The following PEX14 variants were observed in gnomAD, a reference collection of about 807,000 sequenced individuals.
The protein encoded by PEX14 is peroxisomal membrane protein PEX14.
Under a neutral mutation model 49.5 loss-of-function variants are expected in PEX14, and 15 were observed. That is an observed-to-expected ratio of 0.30 (90% CI 0.20 to 0.47). PEX14 has a LOEUF of 0.47. PEX14 is among the 20% of genes least tolerant of loss of function. The probability of loss-of-function intolerance (pLI) is 1.00; values close to 1 mark genes in which losing one functional copy is unlikely to be tolerated. For missense variants in PEX14, 398 were observed against 494.8 expected, an observed-to-expected ratio of 0.80 and a Z score of 1.86; for synonymous variants, 210 against 212.7, an observed-to-expected ratio of 0.99 and a Z score of 0.11.
intron 8 of PEX14, among the ~76,000 whole-genome samples, 156 bp downstream of exon 8, chr1:10,627,519 C>T (rs978359065): frequency 3.3e-5 from 5 of 152,122 alleles, no homozygotes; most frequent in Non-Finnish European, 7.4e-5. Flanking sequence ...TTGAGCTTCT[C>T]TCTTCATTCC....
intron 2 of PEX14, among the ~76,000 whole-genome samples, chr1:10,497,619 A>G (rs1040201346): frequency 2.6e-5 from 4 of 152,228 alleles, no homozygotes; most frequent in Admixed American, 2.0e-4. Flanking sequence ...ATTGTGTATC[A>G]TTTGGTGCAG....
intron 3 of PEX14, among the ~76,000 whole-genome samples, chr1:10,540,783 C>T (rs1638979787): frequency 1.3e-5 from 2 of 152,174 alleles, no homozygotes; most frequent in South Asian, 4.1e-4. Context: ...CAGCTCCCAC[C>T]CCTTGCTTGC....
At chr1:10,475,377 CTCCGG>C (rs1641177542) in intron 1 of PEX14, among the ~76,000 whole-genome samples, 1 of 152,196 alleles carries the variant, frequency 6.6e-6, no homozygotes, top group South Asian at 2.1e-4. Flanking sequence ...CGGCTGTCCC[CTCCGG>C]GGAGGGGCCT....
chr1:10,599,161 T>TG, intron 3 of PEX14, 77 bp from the exon 4 acceptor site: 1 of 1,471,280 alleles, frequency 6.8e-7, no homozygotes, highest in African/African-American at 1.4e-5. Context: ...TAAAGGTCTT[T>TG]GCTCAGTGAA....
At chr1:10,513,380 T>G (rs1641917019) in intron 2 of PEX14, among the ~76,000 whole-genome samples, 1 of 152,136 alleles carries the variant, frequency 6.6e-6, no homozygotes, top group African/African-American at 2.4e-5. Flanking sequence ...GGGGTTTGAG[T>G]CAACATGGTC....
intron 1 of PEX14, among the ~76,000 whole-genome samples, chr1:10,484,825 C>T (rs1281123486): frequency 5.3e-5 from 8 of 151,674 alleles, no homozygotes; most frequent in Non-Finnish European, 1.2e-4. Context: ...TGTCAGCCAG[C>T]GGCCGCCCTC....
At chr1:10,477,048 CAG>C (rs1383959392) in intron 1 of PEX14, among the ~76,000 whole-genome samples, 2 of 151,748 alleles carry the variant, frequency 1.3e-5, no homozygotes, top group Non-Finnish European at 2.9e-5. Context: ...AACATGCTGG[CAG>C]CCTGGGGGAA....
At chr1:10,541,731 T>C (rs1279375403) in intron 3 of PEX14, among the ~76,000 whole-genome samples, 3 of 152,204 alleles carry the variant, frequency 2.0e-5, no homozygotes, top group Non-Finnish European at 1.5e-5. Flanking sequence ...CCCCCTGTTA[T>C]CCAAACTTGC....
rs1296324083 is a variant in PEX14, at chr1:10,512,412, T to C, written c.84+17091T>C. The stretch of plus-strand genomic sequence containing the variant: ...ACCTGGCCAGGGAAACAGAGACTTC[T>C]GTGGATTCATCCAAAGGATGGCAGA... On this transcript the variant is annotated intron_variant, in intron 2 of 8. Coordinates refer to ENST00000356607, the MANE Select transcript of PEX14 (RefSeq NM_004565.3). The surrounding 1 kb of genome is among the most constrained non-coding windows in gnomAD (Gnocchi z 4.6). 6.6e-6 allele frequency among the ~76,000 whole-genome samples: 1 copy of C among 152,200 alleles called. No homozygotes were observed.
In PEX14 at chr1:10,588,593, G is replaced by A. The variant is rs58688469; in HGVS notation, c.170-10645G>A. 2.9e-3 allele frequency among the ~76,000 whole-genome samples: 449 copies of A among 152,272 alleles called. 3 individuals carry two copies. The highest frequency in any genetic ancestry group is 8.7e-3 in the African/African-American group (361 of 41,550). Reference sequence around the variant, plus strand: ...TCTGAGTAGCTTGATGAAACCTCCTGCTGTCCTACCTGAGATGTGGATCAT... The same window carrying A: ...TCTGAGTAGCTTGATGAAACCTCCTACTGTCCTACCTGAGATGTGGATCAT... On this transcript the variant is annotated intron_variant, in intron 3 of 8. Coordinates refer to ENST00000356607, the MANE Select transcript of PEX14 (RefSeq NM_004565.3).
At chr1:10,534,403 G>A (rs1387895512) in intron 2 of PEX14, among the ~76,000 whole-genome samples, 1 of 151,836 alleles carries the variant, frequency 6.6e-6, no homozygotes, top group Non-Finnish European at 1.5e-5. Flanking sequence ...CCTCTCTCCT[G>A]TTATAGCTCC....
chr1:10,618,279 C>T lies in PEX14; in HGVS notation c.299-53C>T, dbSNP rs146370382. ...TGAGGCACCTGTGCCAGCCCCCACC[C>T]GAAGAAGGACGCCATGTGCGTCTTC... On this transcript the variant is annotated intron_variant, in intron 4 of 8. Transcript: ENST00000356607. The T allele has an allele frequency of 2.0e-3, 2,918 of 1,461,254 alleles. 6 individuals carry two copies. Among genetic ancestry groups the T allele is most frequent in the Middle Eastern group, 3.3e-3 (19 of 5,770 alleles). 90.5% of individuals were successfully genotyped at this position (1,461,254 alleles called of 1,614,324 possible).
intron 3 of PEX14, among the ~76,000 whole-genome samples, chr1:10,591,032 T>G (rs1640647766): frequency 6.6e-6 from 1 of 152,248 alleles, no homozygotes; most frequent in African/African-American, 2.4e-5. Flanking sequence ...AATCTCCACC[T>G]TGATTTGTGT....
At chr1:10,486,457 A>G (rs1429377589) in intron 1 of PEX14, among the ~76,000 whole-genome samples, 1 of 150,168 alleles carries the variant, frequency 6.7e-6, no homozygotes, top group African/African-American at 2.5e-5. Flanking sequence ...AAGCAGGAGG[A>G]CTGCTTGAGG....
At chr1:10,535,568 G>C (rs1054038949) in intron 2 of PEX14, among the ~76,000 whole-genome samples, 2 of 152,210 alleles carry the variant, frequency 1.3e-5, no homozygotes, top group African/African-American at 4.8e-5. Context: ...TCTGGAGAGA[G>C]TGTGGTCTCT....
chr1:10,579,979 C>T (rs1191044430), intron 3 of PEX14, among the ~76,000 whole-genome samples: 1 of 151,956 alleles, frequency 6.6e-6, no homozygotes, highest in East Asian at 1.9e-4. Context: ...TTCTGGTTCA[C>T]ATGCCTCTGA....
chr1:10,573,911 G>GT (rs1382927815), intron 3 of PEX14, among the ~76,000 whole-genome samples: 1 of 152,204 alleles, frequency 6.6e-6, no homozygotes, highest in East Asian at 1.9e-4. Flanking sequence ...GACCAGCCTG[G>GT]TTAACATGGT....
intron 3 of PEX14, among the ~76,000 whole-genome samples, chr1:10,572,067 C>G (rs1204564836): frequency 7.2e-5 from 11 of 152,078 alleles, no homozygotes; most frequent in Admixed American, 7.2e-4. Flanking sequence ...TTTTACTCAG[C>G]TCTTTCCTCA....
intron 2 of PEX14, among the ~76,000 whole-genome samples, chr1:10,534,253 C>T (rs1465162836): frequency 6.6e-6 from 1 of 152,118 alleles, no homozygotes; most frequent in Non-Finnish European, 1.5e-5. Context: ...AACAACTATC[C>T]CCACGCCATC....
Sources: allele counts gnomAD v4.1 joint callset (sites outside exome capture counted in the v4.1 genomes callset), GRCh38; gene constraint gnomAD v4.1.1; non-coding constraint Gnocchi (gnomAD v3.1); transcripts MANE v1.5; gene names NCBI Gene and HGNC (gene_info 2026-07-23, HGNC 2026-07-21).